TAX1BP1: variants seen among roughly 807,000 people sequenced by gnomAD.
The protein encoded by TAX1BP1 is tax1-binding protein 1.
In TAX1BP1, 62 loss-of-function variants were observed where a neutral mutation model predicts 97.7. That is an observed-to-expected ratio of 0.63 (90% CI 0.52 to 0.78). The LOEUF (loss-of-function observed/expected upper bound fraction) is 0.78, where lower values mean the gene tolerates loss of function less well. TAX1BP1 is among the 30% of genes least tolerant of loss of function. The probability of loss-of-function intolerance (pLI) is 0.00; values close to 1 mark genes in which losing one functional copy is unlikely to be tolerated. For missense variants in TAX1BP1, 867 were observed against 916.1 expected (o/e 0.95, Z 0.69); for synonymous variants, 340 against 304.2 (o/e 1.12, Z -1.23).
In TAX1BP1 at chr7:27,829,326, T is replaced by C. The variant is rs1438959816; in HGVS notation, c.*497T>C. On this transcript the variant is annotated 3_prime_UTR_variant, in exon 17 of 17. Transcript: ENST00000396319. ...ATTTAGCCCATGAAATGATAGGTTT[T>C]TAATTTTCAGAAATGGAGCTGCATG... 1 of 152,286 alleles carries C rather than the reference T, an allele frequency of 6.6e-6. No individual in the cohort carries two copies. Among genetic ancestry groups the C allele is most frequent in the Admixed American group, 6.5e-5 (1 of 15,284 alleles). 9.4% of individuals were successfully genotyped at this position (152,286 alleles called of 1,614,324 possible). A position where few individuals can be genotyped will look rare whatever the true frequency, so the allele number is the denominator to read the frequency against.
intron 13 of TAX1BP1, among the ~76,000 whole-genome samples, chr7:27,809,010 A>G (rs1790448583): frequency 6.6e-6 from 1 of 152,226 alleles, no homozygotes; most frequent in South Asian, 2.1e-4. Context: ...AATGTGTAGA[A>G]TCACAAAGGA....
chr7:27,822,270 T>C (rs1791006681), intron 15 of TAX1BP1, among the ~76,000 whole-genome samples: 1 of 152,204 alleles, frequency 6.6e-6, no homozygotes, highest in South Asian at 2.1e-4. Context: ...GTTAGACATT[T>C]GGGTTATTTC....
At chr7:27,749,445 T>G (rs911685869) in intron 2 of TAX1BP1, among the ~76,000 whole-genome samples, 1 of 152,228 alleles carries the variant, frequency 6.6e-6, no homozygotes, top group African/African-American at 2.4e-5. Flanking sequence ...TCAGTTTGTT[T>G]TATTTTAGTT....
intron 11 of TAX1BP1, among the ~76,000 whole-genome samples, chr7:27,795,746 A>G (rs538080578): frequency 1.0e-3 from 159 of 151,978 alleles, no homozygotes; most frequent in African/African-American, 3.6e-3. Flanking sequence ...TAGAGACAGG[A>G]TTTCACCGTG....
intron 5 of TAX1BP1, among the ~76,000 whole-genome samples, chr7:27,782,400 C>A (rs574711649): frequency 1.0e-3 from 158 of 152,004 alleles, no homozygotes; most frequent in African/African-American, 3.6e-3. Flanking sequence ...CCACCACGCC[C>A]AGCTAATTTT....
At chr7:27,780,681 G>C (rs1307451970) in intron 5 of TAX1BP1, among the ~76,000 whole-genome samples, 3 of 152,042 alleles carry the variant, frequency 2.0e-5, no homozygotes, top group Non-Finnish European at 4.4e-5. Context: ...ATCAAGAAAA[G>C]ATACAAAAGG....
chr7:27,795,054 T>G (rs906635700), intron 11 of TAX1BP1, among the ~76,000 whole-genome samples: 1 of 152,202 alleles, frequency 6.6e-6, no homozygotes, highest in African/African-American at 2.4e-5. Flanking sequence ...CTGTCCTGAT[T>G]TTTTCACTTT....
chr7:27,768,036 A>G (rs1029567225), intron 4 of TAX1BP1, among the ~76,000 whole-genome samples: 3 of 152,018 alleles, frequency 2.0e-5, no homozygotes, highest in Non-Finnish European at 2.9e-5. Flanking sequence ...ATTGTGTCCT[A>G]GATTTAAAAA....
At chr7:27,780,925 A>G (rs1789230498) in intron 5 of TAX1BP1, among the ~76,000 whole-genome samples, 2 of 152,142 alleles carry the variant, frequency 1.3e-5, no homozygotes. Context: ...AGACTACATC[A>G]TTGAGTAGTT....
intron 13 of TAX1BP1, chr7:27,803,033 T>G: frequency 7.0e-7 from 1 of 1,422,828 alleles, no homozygotes; most frequent in South Asian, 1.4e-5. Context: ...CGTAAAACAG[T>G]ATAAACCAGA....
At chr7:27,754,846 G>C (rs997467854) in intron 2 of TAX1BP1, among the ~76,000 whole-genome samples, 36 of 152,104 alleles carry the variant, frequency 2.4e-4, no homozygotes, top group African/African-American at 8.5e-4. Flanking sequence ...GTCTCCCAAA[G>C]TGCTGGGATT....
intron 12 of TAX1BP1, among the ~76,000 whole-genome samples, chr7:27,799,472 T>C (rs2128319958): frequency 6.6e-6 from 1 of 152,296 alleles, no homozygotes; most frequent in South Asian, 2.1e-4. Flanking sequence ...AATATGACTT[T>C]ATTTCCTCCC....
intron 5 of TAX1BP1, among the ~76,000 whole-genome samples, chr7:27,775,322 T>C (rs144379009): frequency 3.5e-4 from 54 of 152,156 alleles, no homozygotes; most frequent in African/African-American, 1.3e-3. Context: ...ATAGAAGAAA[T>C]TTTTCTTATC....
chr7:27,788,024 C>T (rs1370124309), intron 8 of TAX1BP1, among the ~76,000 whole-genome samples: 3 of 152,026 alleles, frequency 2.0e-5, no homozygotes, highest in African/African-American at 7.2e-5. Context: ...TTTTGTGATT[C>T]ACAGTTAGTC....
chr7:27,777,766 T>G (rs895375227), intron 5 of TAX1BP1, among the ~76,000 whole-genome samples: 4 of 152,226 alleles, frequency 2.6e-5, no homozygotes, highest in African/African-American at 7.2e-5. Context: ...CTTTGCCCTG[T>G]GGCCTTAAAA....
chr7:27,766,473 CT>C (rs1788647999), intron 4 of TAX1BP1, among the ~76,000 whole-genome samples: 1 of 115,082 alleles, frequency 8.7e-6, no homozygotes, highest in Non-Finnish European at 1.9e-5. Context: ...AAATCGAATG[CT>C]TTTTAACTAA....
At chr7:27,821,002 A>G (rs1790949882) in intron 15 of TAX1BP1, among the ~76,000 whole-genome samples, 1 of 152,200 alleles carries the variant, frequency 6.6e-6, no homozygotes, top group African/African-American at 2.4e-5. Flanking sequence ...ATTTCCTTTA[A>G]GTGTCATCTC....
intron 8 of TAX1BP1, among the ~76,000 whole-genome samples, chr7:27,790,455 AC>A (rs1390032694): frequency 1.3e-5 from 2 of 151,934 alleles, no homozygotes; most frequent in African/African-American, 4.8e-5. Flanking sequence ...TTTTCAAATT[AC>A]CTTTCAAAAA....
intron 8 of TAX1BP1, among the ~76,000 whole-genome samples, chr7:27,790,192 G>T (rs1399388250): frequency 1.3e-5 from 2 of 151,732 alleles, no homozygotes; most frequent in Non-Finnish European, 3.0e-5. Flanking sequence ...ATTTATAAAT[G>T]GATATCTTGC....
Sources: allele counts gnomAD v4.1 joint callset (sites outside exome capture counted in the v4.1 genomes callset), GRCh38; gene constraint gnomAD v4.1.1; transcripts MANE v1.5; gene names NCBI Gene and HGNC (gene_info 2026-07-23, HGNC 2026-07-21).